IQSEC1: variants seen among roughly 807,000 people sequenced by gnomAD.
The protein encoded by IQSEC1 is IQ motif and Sec7 domain ArfGEF 1, also known as IQ motif and SEC7 domain-containing protein 1.
IQSEC1 carries 31 observed loss-of-function variants against 91.0 expected under a neutral mutation model. The observed-to-expected ratio is 0.34, with a 90% CI of 0.26 to 0.46. The LOEUF (loss-of-function observed/expected upper bound fraction) is 0.46, where lower values mean the gene tolerates loss of function less well. Ranked by LOEUF, IQSEC1 falls within the 20% of genes least tolerant of loss-of-function variation. IQSEC1 has a pLI of 1.00. For missense variants in IQSEC1, 1,388 were observed against 1,575.6 expected (o/e 0.88, Z 2.02); for synonymous variants, 699 against 662.6 (o/e 1.05, Z -0.84).
chr3:12,953,626 G>A (rs1042948849), intron 1 of IQSEC1, among the ~76,000 whole-genome samples: 2 of 152,200 alleles, frequency 1.3e-5, no homozygotes, highest in Non-Finnish European at 2.9e-5. Flanking sequence ...CAGACGGCAC[G>A]AGGAGTCGGG....
intron 1 of IQSEC1, among the ~76,000 whole-genome samples, chr3:13,277,039 T>C (rs748040730): frequency 2.2e-5 from 3 of 137,004 alleles, no homozygotes; most frequent in Non-Finnish European, 4.5e-5. Flanking sequence ...GTGGCAATTA[T>C]ACGGCTGACA....
At chr3:12,954,235 C>T (rs967370492) in intron 1 of IQSEC1, among the ~76,000 whole-genome samples, 1 of 152,216 alleles carries the variant, frequency 6.6e-6, no homozygotes, top group Non-Finnish European at 1.5e-5. Flanking sequence ...CTCTCTCACT[C>T]AAAGAGCCCA....
At chr3:13,113,994 A>ACTC in intron 2 of IQSEC1, among the ~76,000 whole-genome samples, 1 of 152,242 alleles carries the variant, frequency 6.6e-6, no homozygotes, top group Non-Finnish European at 1.5e-5. Context: ...ATACGATGAG[A>ACTC]CTCTGTTCAC....
chr3:13,193,141 G>A lies in IQSEC1; in HGVS notation c.273-29008C>T, dbSNP rs558375027. On this transcript the variant is annotated intron_variant, in intron 1 of 15. Transcript: ENST00000648114. The surrounding 1 kb of genome is among the most constrained non-coding windows in gnomAD (Gnocchi z 4.2). ...TTCTCAGCCTTGTCCTACGAGCACA[G>A]GATGCCCACCTGCCCGGGGCTCACA... Among the ~76,000 whole-genome samples the A allele has an allele frequency of 6.6e-5, 10 of 152,314 alleles. No individual in the cohort carries two copies. Among genetic ancestry groups the A allele is most frequent in the South Asian group, 4.1e-4 (2 of 4,832 alleles).
chr3:13,083,176 G>A (rs1010666185), intron 2 of IQSEC1, among the ~76,000 whole-genome samples: 9 of 152,218 alleles, frequency 5.9e-5, no homozygotes, highest in African/African-American at 1.7e-4. Flanking sequence ...ATTAATGCCC[G>A]TGGACTGAAC....
chr3:13,113,422 G>C (rs1033388653), intron 2 of IQSEC1, among the ~76,000 whole-genome samples: 2 of 152,178 alleles, frequency 1.3e-5, no homozygotes, highest in African/African-American at 4.8e-5. Context: ...CTGTGAAGTG[G>C]GGATGACGCT....
intron 1 of IQSEC1, among the ~76,000 whole-genome samples, chr3:13,064,816 G>A (rs1229654112): frequency 6.6e-6 from 1 of 151,994 alleles, no homozygotes; most frequent in African/African-American, 2.4e-5. Flanking sequence ...TTCTTGGTGT[G>A]GGGGCCTGTC....
intron 1 of IQSEC1, among the ~76,000 whole-genome samples, chr3:13,264,156 T>A (rs1043122091): frequency 6.6e-6 from 1 of 152,196 alleles, no homozygotes; most frequent in Admixed American, 6.5e-5. Context: ...TCCCCTTCCC[T>A]GGAGTGGCTG....
chr3:13,192,132 G>A (rs1179059368), intron 1 of IQSEC1, among the ~76,000 whole-genome samples: 1 of 151,990 alleles, frequency 6.6e-6, no homozygotes, highest in African/African-American at 2.4e-5. Context: ...TCAGGAGATC[G>A]AGACCATCCT....
intron 1 of IQSEC1, among the ~76,000 whole-genome samples, chr3:13,202,320 C>T (rs778277857): frequency 5.9e-5 from 9 of 152,114 alleles, no homozygotes; most frequent in Admixed American, 1.3e-4. Flanking sequence ...AGGAAAGAAA[C>T]GAAAGTTGGG....
chr3:12,986,925 C>A, intron 1 of IQSEC1: 1 of 338,668 alleles, frequency 3.0e-6, no homozygotes, highest in East Asian at 1.1e-4. Flanking sequence ...TATTTTCCAG[C>A]TAGAGATACT....
chr3:13,151,439 G>C (rs1706997204), intron 2 of IQSEC1, among the ~76,000 whole-genome samples: 1 of 152,200 alleles, frequency 6.6e-6, no homozygotes. Context: ...GCTGGAAAAT[G>C]GTTGGTGGAT....
intron 2 of IQSEC1, among the ~76,000 whole-genome samples, chr3:13,160,655 T>C (rs1055833545): frequency 1.3e-5 from 2 of 152,248 alleles, no homozygotes; most frequent in Admixed American, 1.3e-4. Context: ...TGGTCCATTT[T>C]TCCTCTTCCT....
At chr3:13,198,123 C>T (rs1049270255) in intron 1 of IQSEC1, among the ~76,000 whole-genome samples, 5 of 152,038 alleles carry the variant, frequency 3.3e-5, no homozygotes, top group African/African-American at 1.2e-4. Context: ...GCTCAGGCCA[C>T]GTGGCCTGTT....
intron 1 of IQSEC1, among the ~76,000 whole-genome samples, chr3:13,029,040 A>G (rs1028729977): frequency 1.6e-4 from 24 of 152,246 alleles, no homozygotes; most frequent in African/African-American, 5.8e-4. Context: ...AGATGAAACA[A>G]ATGGAAGGAG....
At chr3:13,079,780 T>C (rs1369981069) in intron 2 of IQSEC1, among the ~76,000 whole-genome samples, 1 of 152,230 alleles carries the variant, frequency 6.6e-6, no homozygotes, top group Non-Finnish European at 1.5e-5. Context: ...AACGTTCTAA[T>C]GCAAGTACCT....
rs139764191 is a variant in IQSEC1 at position 12,931,324 on chromosome 3, C to G, written c.1568+4124G>C. On this transcript the variant is annotated intron_variant, in intron 3 of 13. Transcript: ENST00000613206. ...CAAAGTGCTCCTAAGAGAGCCCATCCTTTCCATCATCAGCACCACAGGCTA... is the reference window on the plus strand; with the variant it reads ...CAAAGTGCTCCTAAGAGAGCCCATCGTTTCCATCATCAGCACCACAGGCTA... Among the ~76,000 whole-genome samples, 1,052 of 152,304 alleles carry G rather than the reference C, an allele frequency of 6.9e-3. 14 individuals carry two copies. Among genetic ancestry groups the G allele is most frequent in the African/African-American group, 0.024 (1,017 of 41,564 alleles).
chr3:12,944,354 T>C (rs1467311438), intron 1 of IQSEC1, among the ~76,000 whole-genome samples: 7 of 152,158 alleles, frequency 4.6e-5, no homozygotes. Context: ...ACCAACCTAA[T>C]CAACTGTACA....
chr3:13,266,683 C>T (rs529482481), intron 1 of IQSEC1, among the ~76,000 whole-genome samples: 1 of 152,246 alleles, frequency 6.6e-6, no homozygotes, highest in Non-Finnish European at 1.5e-5. Context: ...AAAGCCAACC[C>T]TCTCCAAGGT....
Sources: gnomAD v4.1 joint callset for allele counts (sites outside exome capture counted in the v4.1 genomes callset) on GRCh38, gnomAD v4.1.1 for gene constraint, Gnocchi (gnomAD v3.1) non-coding constraint, MANE v1.5 for transcripts, NCBI Gene and HGNC (gene_info 2026-07-23, HGNC 2026-07-21) for gene names.